The following SIPA1L2 variants were observed in gnomAD, a reference collection of about 807,000 sequenced individuals.
SIPA1L2 encodes signal induced proliferation associated 1 like 2.
Under a neutral mutation model 163.9 loss-of-function variants are expected in SIPA1L2, and 56 were observed. The ratio of observed to expected loss-of-function variants is 0.34; its 90% CI spans 0.28 to 0.43. The LOEUF is 0.43. Among genes scored for constraint, SIPA1L2 ranks in the 20% least tolerant of loss-of-function variants. SIPA1L2 has a pLI of 1.00. For synonymous variants in SIPA1L2, 877 were observed against 865.7 expected, an observed-to-expected ratio of 1.01 and a Z score of -0.23; for missense variants, 1,974 against 2,193.5, an observed-to-expected ratio of 0.90 and a Z score of 2.00.
intron 3 of SIPA1L2, among the ~76,000 whole-genome samples, chr1:232,495,889 A>G (rs1244146694): frequency 1.3e-5 from 2 of 152,248 alleles, no homozygotes; most frequent in Non-Finnish European, 2.9e-5. Flanking sequence ...AGATACAAAG[A>G]AAGCATTTTT....
intron 2 of SIPA1L2, among the ~76,000 whole-genome samples, chr1:232,525,069 C>T (rs893689408): frequency 6.6e-6 from 1 of 151,940 alleles, no homozygotes; most frequent in Non-Finnish European, 1.5e-5. Context: ...TGCTGCTTCT[C>T]CCTTTTAAAG....
At chr1:232,432,592 G>C in intron 15 of SIPA1L2, 121 bp from the exon 16 acceptor site, 1 of 854,932 alleles carries the variant, frequency 1.2e-6, no homozygotes, top group Non-Finnish European at 1.8e-6. Context: ...ATCGGGCCCA[G>C]TGAGGCAGAT....
chr1:232,559,857 G>A (rs1216178630), intron 2 of SIPA1L2, among the ~76,000 whole-genome samples: 1 of 152,180 alleles, frequency 6.6e-6, no homozygotes, highest in Non-Finnish European at 1.5e-5. Context: ...GTTAGAGTAA[G>A]CTACAATGTT....
At chr1:232,548,584 TAC>T (rs1432968307) in intron 2 of SIPA1L2, among the ~76,000 whole-genome samples, 1 of 152,232 alleles carries the variant, frequency 6.6e-6, no homozygotes, top group African/African-American at 2.4e-5. Context: ...TCAATCAATA[TAC>T]TTCATTCATT....
intron 8 of SIPA1L2, among the ~76,000 whole-genome samples, chr1:232,466,020 G>A (rs1057146404): frequency 9.2e-5 from 14 of 152,034 alleles, no homozygotes; most frequent in Non-Finnish European, 1.8e-4. Context: ...AAAGTCTGCC[G>A]TTTAAGCCAC....
rs1204188866 is a variant in SIPA1L2 at position 232,404,174 on chromosome 1, A to G, written c.4767T>C (p.Leu1589=). The G allele has an allele frequency of 2.5e-6, 4 of 1,614,016 alleles. No homozygotes were observed. The highest frequency in any genetic ancestry group is 3.4e-6 in the Non-Finnish European group (4 of 1,179,996). Residue 1589 remains leucine, a synonymous_variant, in exon 20 of 23, where the codon CTT becomes CTC. Transcript: ENST00000674635. ...GCAGCCCCAGTTCTTCATCTGAGTC[A>G]AGACCTGAAATAAGATTTAGAATTT... ...LVDAARAFEG[L]DSDEELGLLC...
chr1:232,508,052 A>C (rs1666808209), intron 3 of SIPA1L2, among the ~76,000 whole-genome samples: 1 of 152,186 alleles, frequency 6.6e-6, no homozygotes, highest in Admixed American at 6.5e-5. Context: ...TATACCATTT[A>C]AAAATTCTAA....
At chr1:232,399,890 G>T (rs960494706) in intron 22 of SIPA1L2, among the ~76,000 whole-genome samples, 2 of 152,156 alleles carry the variant, frequency 1.3e-5, no homozygotes, top group Non-Finnish European at 2.9e-5. Context: ...TAAATGAATA[G>T]AGGGGTCACT....
At chr1:232,476,695 T>A (rs1007678730) in intron 7 of SIPA1L2, among the ~76,000 whole-genome samples, 1 of 151,826 alleles carries the variant, frequency 6.6e-6, no homozygotes, top group Non-Finnish European at 1.5e-5. Flanking sequence ...GTCTGGTGAG[T>A]TTTTCTACGC....
At chr1:232,572,206 G>A (rs1192056415) in intron 2 of SIPA1L2, among the ~76,000 whole-genome samples, 1 of 152,172 alleles carries the variant, frequency 6.6e-6, no homozygotes, top group Non-Finnish European at 1.5e-5. Context: ...CGGGCAGCAT[G>A]AGGTGTCCCT....
At position 232,404,194 on chromosome 1, in the gene SIPA1L2, GA is replaced by G; in HGVS notation, c.4763-17del. 1 of 1,613,678 alleles carries G rather than the reference GA, an allele frequency of 6.2e-7. No individual in the cohort carries two copies. The highest frequency in any genetic ancestry group is 2.2e-5 in the East Asian group (1 of 44,874). On this transcript the variant is annotated splice_polypyrimidine_tract_variant and intron_variant, in intron 19 of 22. Coordinates refer to ENST00000674635, the MANE Select transcript of SIPA1L2 (RefSeq NM_020808.5). ...GAGTCAAGACCTGAAATAAGATTTA[GA>G]ATTTTCCTATGAACAGGAGTATCTC...
At chr1:232,595,579 C>G (rs756343086) in intron 1 of SIPA1L2, among the ~76,000 whole-genome samples, 13 of 152,104 alleles carry the variant, frequency 8.5e-5, no homozygotes, top group Non-Finnish European at 1.6e-4. Flanking sequence ...TCATTCCACC[C>G]GACTCAAACT....
intron 3 of SIPA1L2, among the ~76,000 whole-genome samples, chr1:232,497,237 GTGGC>G (rs1666242465): frequency 6.6e-6 from 1 of 152,182 alleles, no homozygotes; most frequent in Non-Finnish European, 1.5e-5. Context: ...TACACTGATT[GTGGC>G]AATGGTAACA....
intron 2 of SIPA1L2, among the ~76,000 whole-genome samples, chr1:232,562,712 T>C (rs771254891): frequency 6.6e-6 from 1 of 152,236 alleles, no homozygotes; most frequent in Non-Finnish European, 1.5e-5. Flanking sequence ...CTACTGACTC[T>C]GTTTAGTCCA....
At chr1:232,597,523 CAA>C (rs66718972) in intron 1 of SIPA1L2, among the ~76,000 whole-genome samples, 32 of 126,738 alleles carry the variant, frequency 2.5e-4, no homozygotes, top group Admixed American at 3.2e-4. Context: ...TAAAAAATAC[CAA>C]AAAAAAAAAA....
chr1:232,580,892 C>A (rs1660337562), intron 1 of SIPA1L2, among the ~76,000 whole-genome samples: 1 of 152,076 alleles, frequency 6.6e-6, no homozygotes, highest in East Asian at 1.9e-4. Context: ...ACTTTGGTTC[C>A]CTTCACTCTC....
chr1:232,490,805 G>A (rs1312672199), intron 5 of SIPA1L2, 69 bp downstream of exon 5: 1 of 1,475,200 alleles, frequency 6.8e-7, no homozygotes, highest in Non-Finnish European at 9.1e-7. Flanking sequence ...AGATGGATGG[G>A]AAAACTCCAA....
In SIPA1L2 at chr1:232,465,567, T is replaced by C; in HGVS notation, c.2244-151A>G. The C allele has an allele frequency of 1.4e-6, 1 of 721,084 alleles. No individual in the cohort carries two copies. Among genetic ancestry groups the C allele is most frequent in the Non-Finnish European group, 2.2e-6 (1 of 448,540 alleles). The allele number at this position is 721,084 out of a possible 1,614,324, so 44.7% of individuals were successfully genotyped here. A position where few individuals can be genotyped will look rare whatever the true frequency, so the allele number is the denominator to read the frequency against. On this transcript the variant is annotated intron_variant, in intron 8 of 22. Coordinates refer to ENST00000674635, the MANE Select transcript of SIPA1L2 (RefSeq NM_020808.5). The surrounding 1 kb of genome is among the most constrained non-coding windows in gnomAD (Gnocchi z 4.1). ...ACACACATACACACACACTTTCAAC[T>C]TAACTGGTTTATTCTGCAAGTTCTT...
chr1:232,615,223 G>A (rs372991207), intron 1 of SIPA1L2, among the ~76,000 whole-genome samples: 2 of 152,170 alleles, frequency 1.3e-5, no homozygotes, highest in South Asian at 2.1e-4. Flanking sequence ...AGCACTTGCT[G>A]CCCTTGAGCT....
Sources: allele counts gnomAD v4.1 joint callset (sites outside exome capture counted in the v4.1 genomes callset), GRCh38; gene constraint gnomAD v4.1.1; non-coding constraint Gnocchi (gnomAD v3.1); transcripts MANE v1.5; gene names NCBI Gene and HGNC (gene_info 2026-07-23, HGNC 2026-07-21).